The following CACNA1A variants were observed in gnomAD, a reference collection of about 807,000 sequenced individuals.
CACNA1A encodes voltage-dependent P/Q-type calcium channel subunit alpha-1A.
CACNA1A carries 57 observed loss-of-function variants against 262.4 expected under a neutral mutation model. That is an observed-to-expected ratio of 0.22 (90% CI 0.18 to 0.27). The LOEUF is 0.27. Ranked by LOEUF, CACNA1A falls within the 10% of genes least tolerant of loss-of-function variation. CACNA1A has a pLI of 1.00. For synonymous variants in CACNA1A, 1,431 were observed against 1,419.3 expected (o/e 1.01, Z -0.18); for missense variants, 2,526 against 3,562.8 (o/e 0.71, Z 7.41).
rs2292034 is a variant in CACNA1A, at chr19:13,316,853, C to T, written c.1555+259G>A. The T allele has an allele frequency of 0.27, 98,696 of 369,440 alleles. 14,682 individuals carry two copies. Among genetic ancestry groups the T allele is most frequent in the East Asian group, 0.44 (10,985 of 24,732 alleles). 22.9% of individuals were successfully genotyped at this position (369,440 alleles called of 1,614,324 possible). On this transcript the variant is annotated intron_variant, in intron 11 of 46. Coordinates refer to ENST00000360228, the MANE Select transcript of CACNA1A (RefSeq NM_001127222.2). ...TCCCCTTCACCAGCACCCCTCTGTC[C>T]CTCTCTCTTAGAAAGGAATCACAGG...
chr19:13,285,193 G>A lies in CACNA1A; in HGVS notation c.3567C>T (p.Ala1189=). The change falls in exon 21 of 47, where the codon GCC becomes GCT. Residue 1189 remains alanine (A), a synonymous_variant. Coordinates refer to ENST00000360228, the MANE Select transcript of CACNA1A (RefSeq NM_001127222.2). ...CTTTTTTTGGCAGTGGGTCTGGGTTGGCGTTTTTGTTCACTGTTGGGACAA... is the reference window on the plus strand; with the variant it reads ...CTTTTTTTGGCAGTGGGTCTGGGTTAGCGTTTTTGTTCACTGTTGGGACAA... The part of the protein sequence containing the change: ...NHTVVQVNKN[A]NPDPLPKKEE... 6.2e-7 allele frequency: 1 copy of A among 1,613,860 alleles called. No individual in the cohort carries two copies. The highest frequency in any genetic ancestry group is 8.5e-7 in the Non-Finnish European group (1 of 1,179,868).
intron 1 of CACNA1A, among the ~76,000 whole-genome samples, chr19:13,482,489 A>AT (rs1176670657): frequency 6.6e-6 from 1 of 151,876 alleles, no homozygotes. Context: ...TCTCAAAAAA[A>AT]AAAAAAGAAT....
intron 28 of CACNA1A, among the ~76,000 whole-genome samples, chr19:13,255,993 CTTT>C (rs542786434): frequency 8.7e-6 from 1 of 115,362 alleles, no homozygotes; most frequent in African/African-American, 3.3e-5. Flanking sequence ...TCCCTCCTTC[CTTT>C]TTTTTTTTTT....
At chr19:13,271,380 C>T (rs2057015896) in intron 24 of CACNA1A, 2 of 151,618 alleles carry the variant, frequency 1.3e-5, no homozygotes, top group African/African-American at 4.9e-5. Context: ...CCCACCACAC[C>T]CAGCTAGTTT....
chr19:13,287,045 T>G (rs895563601), intron 19 of CACNA1A, 79 bp from the exon 20 acceptor site: 8 of 1,190,466 alleles, frequency 6.7e-6, no homozygotes, highest in Non-Finnish European at 9.3e-6. Flanking sequence ...CTAGCTAAGA[T>G]TCCATCTTTC....
At chr19:13,310,044 G>T (rs1462987431) in intron 12 of CACNA1A, among the ~76,000 whole-genome samples, 2 of 152,104 alleles carry the variant, frequency 1.3e-5, no homozygotes, top group African/African-American at 4.8e-5. Context: ...GCCTGCTCTG[G>T]ACATTTCATA....
intron 3 of CACNA1A, among the ~76,000 whole-genome samples, chr19:13,393,568 CCTT>C (rs1430597556): frequency 3.5e-4 from 48 of 138,718 alleles, no homozygotes; most frequent in South Asian, 7.9e-4. Context: ...TCCCTCCCCC[CCTT>C]CTTCTTCTTC....
intron 10 of CACNA1A, among the ~76,000 whole-genome samples, chr19:13,320,252 GA>G (rs2058224141): frequency 1.3e-5 from 2 of 151,630 alleles, no homozygotes; most frequent in African/African-American, 2.4e-5. Flanking sequence ...GAGAGAGAGA[GA>G]GAGAGAGAGA....
chr19:13,218,638 G>A (rs907698208), intron 38 of CACNA1A, among the ~76,000 whole-genome samples: 13 of 152,186 alleles, frequency 8.5e-5, no homozygotes, highest in Non-Finnish European at 1.8e-4. Context: ...GGAGTGCAGT[G>A]GCGTGATCTT....
At position 13,255,394 on chromosome 19, in the gene CACNA1A, G is replaced by A. The variant is rs1030341291; in HGVS notation, c.4591-135C>T. 46 of 754,262 alleles carry A rather than the reference G, an allele frequency of 6.1e-5. No individual in the cohort carries two copies. In the African/African-American group the frequency reaches 7.8e-4, roughly 13 times the overall value. The allele number at this position is 754,262 out of a possible 1,614,324, so 46.7% of individuals were successfully genotyped here. ...CTCTGCCTCTCTTGCCCCCAGCCAG[G>A]ATTCCTGGGCTCTCTCTTCCTTCTC... On this transcript the variant is annotated intron_variant, in intron 28 of 46. Coordinates refer to ENST00000360228, the MANE Select transcript of CACNA1A (RefSeq NM_001127222.2).
intron 9 of CACNA1A, among the ~76,000 whole-genome samples, chr19:13,331,130 TAAGATAATA>T (rs2058460081): frequency 6.6e-6 from 1 of 152,134 alleles, no homozygotes; most frequent in Non-Finnish European, 1.5e-5. Context: ...CCTCCCCAAC[TAAGATAATA>T]AAATTCATTT....
At chr19:13,242,486 G>A (rs780016028) in intron 31 of CACNA1A, among the ~76,000 whole-genome samples, 6 of 152,006 alleles carry the variant, frequency 3.9e-5, no homozygotes, top group Non-Finnish European at 7.4e-5. Flanking sequence ...AGTAGGGACA[G>A]AGTTTCACCA....
intron 10 of CACNA1A, among the ~76,000 whole-genome samples, chr19:13,319,954 A>G (rs1300366924): frequency 6.6e-6 from 1 of 152,134 alleles, no homozygotes; most frequent in East Asian, 1.9e-4. Context: ...CACCTGGGGC[A>G]TATGGTCATG....
chr19:13,221,223 TTTC>T (rs2055207112), intron 38 of CACNA1A, among the ~76,000 whole-genome samples: 10 of 30,206 alleles, frequency 3.3e-4, no homozygotes, highest in Admixed American at 4.7e-4. Context: ...TTTTCTTTTC[TTTC>T]TTTCTTTCTT....
intron 3 of CACNA1A, among the ~76,000 whole-genome samples, chr19:13,439,601 C>T (rs1441709101): frequency 5.3e-5 from 8 of 150,456 alleles, no homozygotes; most frequent in Admixed American, 2.7e-4. Context: ...TTAGTAGAGA[C>T]GGGGTTTCAC....
intron 1 of CACNA1A, among the ~76,000 whole-genome samples, chr19:13,491,725 A>G (rs892831964): frequency 6.6e-6 from 1 of 151,966 alleles, no homozygotes; most frequent in African/African-American, 2.4e-5. Flanking sequence ...AGTCCCAACT[A>G]CTCAGGAGGC....
chr19:13,320,946 G>A (rs1361934458), intron 10 of CACNA1A, among the ~76,000 whole-genome samples: 1 of 151,352 alleles, frequency 6.6e-6, no homozygotes. Flanking sequence ...TTATTATGAA[G>A]TACATCCTAG....
chr19:13,230,608 C>T (rs570668936), intron 35 of CACNA1A, among the ~76,000 whole-genome samples: 1 of 151,920 alleles, frequency 6.6e-6, no homozygotes, highest in South Asian at 2.1e-4. Flanking sequence ...AGTTTGAGAC[C>T]AGCCTGGTCA....
intron 24 of CACNA1A, chr19:13,274,139 A>G (rs1320429350): frequency 6.6e-6 from 1 of 152,178 alleles, no homozygotes; most frequent in Non-Finnish European, 1.5e-5. Flanking sequence ...TAAACGAACA[A>G]AAAGAGAGGA....
Sources: gnomAD v4.1 joint callset for allele counts (sites outside exome capture counted in the v4.1 genomes callset) on GRCh38, gnomAD v4.1.1 for gene constraint, MANE v1.5 for transcripts, NCBI Gene and HGNC (gene_info 2026-07-23, HGNC 2026-07-21) for gene names.